The following KIF16B variants were observed in gnomAD, a reference collection of about 807,000 sequenced individuals.
KIF16B encodes kinesin family member 16B.
Under a neutral mutation model 156.3 loss-of-function variants are expected in KIF16B, and 98 were observed. The ratio of observed to expected loss-of-function variants is 0.63; its 90% confidence interval spans 0.53 to 0.74. The LOEUF (loss-of-function observed/expected upper bound fraction) is 0.74, where lower values mean the gene tolerates loss of function less well. Ranked by LOEUF, KIF16B falls within the 30% of genes least tolerant of loss-of-function variation. The pLI is 0.00. For synonymous variants in KIF16B, 564 were observed against 583.7 expected (o/e 0.97, Z 0.49); for missense variants, 1,421 against 1,606.5 (o/e 0.88, Z 1.97).
In KIF16B at chr20:16,381,703, T is replaced by C; in HGVS notation, c.1829A>G (p.Glu610Gly). The C allele has an allele frequency of 3.1e-6, 5 of 1,612,272 alleles. No homozygotes were observed. The highest frequency in any genetic ancestry group is 4.2e-6 in the Non-Finnish European group (5 of 1,178,910). ...ACCCCATGTGACTTACCTTTTACTT[T>C]CTAATTTTTCAAGTTCTTCACGCTG... ...RQQREELEKLESKRKLIEEME... is the reference protein window; with the variant it reads ...RQQREELEKLGSKRKLIEEME... The change falls in exon 18 of 26, where the codon GAA (glutamate) becomes GGA (glycine). Residue 610 changes from glutamate (E) to glycine (G), a missense_variant. Glu to Gly is a moderately conservative substitution (Grantham distance 98, BLOSUM62 -2). Coordinates refer to ENST00000354981, the MANE Select transcript of KIF16B (RefSeq NM_024704.5).
At chr20:16,370,113 G>A (rs1241292155) in intron 22 of KIF16B, among the ~76,000 whole-genome samples, 1 of 152,144 alleles carries the variant, frequency 6.6e-6, no homozygotes, top group East Asian at 1.9e-4. Flanking sequence ...GCCTCTCAGT[G>A]GAGGAGAATA....
At chr20:16,280,283 T>C (rs553181216) in intron 25 of KIF16B, among the ~76,000 whole-genome samples, 15 of 152,180 alleles carry the variant, frequency 9.9e-5, no homozygotes, top group African/African-American at 1.9e-4. Context: ...AGGAGCTGCA[T>C]GGTGTGGCTT....
intron 1 of KIF16B, among the ~76,000 whole-genome samples, chr20:16,539,594 C>A (rs1291161652): frequency 3.3e-5 from 5 of 152,158 alleles, no homozygotes; most frequent in Non-Finnish European, 4.4e-5. Flanking sequence ...GATGTGCCTG[C>A]TCCGGCTTTG....
At chr20:16,509,534 A>G (rs988496278) in intron 6 of KIF16B, among the ~76,000 whole-genome samples, 1 of 152,172 alleles carries the variant, frequency 6.6e-6, no homozygotes, top group Non-Finnish European at 1.5e-5. Context: ...ACCTCCAAGT[A>G]TTCTTATTTT....
intron 19 of KIF16B, among the ~76,000 whole-genome samples, chr20:16,376,545 G>A (rs1049078092): frequency 3.3e-5 from 5 of 152,342 alleles, no homozygotes; most frequent in Middle Eastern, 3.4e-3. Context: ...AGAAAGCTGC[G>A]GGGGTATCGC....
intron 1 of KIF16B, among the ~76,000 whole-genome samples, chr20:16,563,876 T>C (rs2071156786): frequency 6.6e-6 from 1 of 152,222 alleles, no homozygotes; most frequent in Non-Finnish European, 1.5e-5. Context: ...ATTTGCATCA[T>C]ATTACTTATA....
chr20:16,406,257 C>T lies in KIF16B; in HGVS notation c.1695+117G>A, dbSNP rs1024571356. On this transcript the variant is annotated intron_variant, in intron 16 of 25. Coordinates refer to ENST00000354981, the MANE Select transcript of KIF16B (RefSeq NM_024704.5). ...CCTAGAATCAATCCAGATCACAGAA[C>T]TACTTTTCCACGGTTCTGCACCCCA... 10 of 807,248 alleles carry T rather than the reference C, an allele frequency of 1.2e-5. No homozygotes were observed. The African/African-American group carries it at 1.4e-4, about 11-fold the overall frequency. 50.0% of individuals were successfully genotyped at this position (807,248 alleles called of 1,614,324 possible).
intron 23 of KIF16B, among the ~76,000 whole-genome samples, chr20:16,340,633 A>G (rs2064124177): frequency 6.6e-6 from 1 of 152,236 alleles, no homozygotes; most frequent in Non-Finnish European, 1.5e-5. Context: ...CAAAATCAGG[A>G]TAAAGGAACT....
chr20:16,283,951 A>G lies in KIF16B; in HGVS notation c.3796-10540T>C, dbSNP rs917060081. Among the ~76,000 whole-genome samples, 3 of 152,110 alleles carry G rather than the reference A, an allele frequency of 2.0e-5. No homozygotes were observed. The East Asian group carries it at 5.8e-4, about 29-fold the overall frequency. On this transcript the variant is annotated intron_variant, in intron 25 of 25. Transcript: ENST00000354981. ...GGGCTGCTCTCAGTTCCTAAAGACC[A>G]CCTACATTCAGTGGCACCCAGCCTC...
rs555455356 is a variant in KIF16B, at chr20:16,431,821, C to A, written c.1303-1839G>T. On this transcript the variant is annotated intron_variant, in intron 12 of 25. Coordinates refer to ENST00000354981, the MANE Select transcript of KIF16B (RefSeq NM_024704.5). ...ATACAAAATAGCAACCACCAATGTTCCTCATGGTGATTTCTCTCCTTGGGA... is the reference window on the plus strand; with the variant it reads ...ATACAAAATAGCAACCACCAATGTTACTCATGGTGATTTCTCTCCTTGGGA... Among the ~76,000 whole-genome samples, 19 of 151,122 alleles carry A rather than the reference C, an allele frequency of 1.3e-4. No homozygotes were observed. In the South Asian group the frequency reaches 3.8e-3, roughly 30 times the overall value.
chr20:16,354,140 C>T (rs1453252064), intron 23 of KIF16B, among the ~76,000 whole-genome samples: 1 of 152,226 alleles, frequency 6.6e-6, no homozygotes, highest in African/African-American at 2.4e-5. Context: ...CAAATCTGCA[C>T]ACCACCTGAT....
intron 22 of KIF16B, chr20:16,367,127 A>T: frequency 1.9e-6 from 3 of 1,541,760 alleles, no homozygotes; most frequent in Non-Finnish European, 2.6e-6. Flanking sequence ...CATGTAGTGC[A>T]TCTTTAAAAG....
intron 12 of KIF16B, among the ~76,000 whole-genome samples, chr20:16,468,840 G>A (rs538659549): frequency 1.1e-4 from 16 of 152,192 alleles, no homozygotes; most frequent in Non-Finnish European, 2.2e-4. Context: ...TCAATTAAGG[G>A]AATCTGATTA....
chr20:16,557,738 C>G (rs1419380892), intron 1 of KIF16B, among the ~76,000 whole-genome samples: 1 of 152,126 alleles, frequency 6.6e-6, no homozygotes, highest in Non-Finnish European at 1.5e-5. Context: ...AGCATCATAC[C>G]CAGAGAGAGT....
chr20:16,532,022 T>A (rs1266416437), intron 1 of KIF16B, among the ~76,000 whole-genome samples: 1 of 148,970 alleles, frequency 6.7e-6, no homozygotes, highest in African/African-American at 2.5e-5. Flanking sequence ...AAGCCGAGAT[T>A]GTGCCATTGC....
intron 12 of KIF16B, among the ~76,000 whole-genome samples, chr20:16,437,810 T>TA (rs2066683147): frequency 6.6e-6 from 1 of 151,984 alleles, no homozygotes; most frequent in Non-Finnish European, 1.5e-5. Flanking sequence ...TCTAGTAACT[T>TA]ACATGTTTTT....
In KIF16B at chr20:16,293,069, C is replaced by T. The variant is rs997802356; in HGVS notation, c.3795+19266G>A. 5.9e-5 allele frequency among the ~76,000 whole-genome samples: 9 copies of T among 152,046 alleles called. No homozygotes were observed. In the East Asian group the frequency reaches 7.7e-4, roughly 13 times the overall value. On this transcript the variant is annotated intron_variant, in intron 25 of 25. Transcript: ENST00000354981. ...ACAGAAAAATGAAAGGACCAGACCA[C>T]GAGGTTCAACACTGAACAAATGGAA...
chr20:16,468,681 A>G (rs951843947), intron 12 of KIF16B, among the ~76,000 whole-genome samples: 1 of 152,088 alleles, frequency 6.6e-6, no homozygotes, highest in Non-Finnish European at 1.5e-5. Context: ...GAGAGTAAAT[A>G]TACGTGAGGT....
At chr20:16,453,114 A>C (rs2067128008) in intron 12 of KIF16B, among the ~76,000 whole-genome samples, 1 of 151,636 alleles carries the variant, frequency 6.6e-6, no homozygotes. Context: ...CCAAAAAAAA[A>C]AAAAAATTAC....
Sources: gnomAD v4.1 joint callset for allele counts (sites outside exome capture counted in the v4.1 genomes callset) on GRCh38, gnomAD v4.1.1 for gene constraint, MANE v1.5 for transcripts, NCBI Gene and HGNC (gene_info 2026-07-23, HGNC 2026-07-21) for gene names.